Variants in SDHA observed in about 807,000 individuals in gnomAD.
SDHA encodes succinate dehydrogenase [ubiquinone] flavoprotein subunit, mitochondrial.
A neutral mutation model predicts 78.4 loss-of-function variants in SDHA; 48 were observed. The observed-to-expected ratio is 0.61, with a 90% CI of 0.49 to 0.78. The LOEUF (loss-of-function observed/expected upper bound fraction) is 0.78. Ranked by LOEUF, SDHA falls within the 30% of genes least tolerant of loss-of-function variation. The pLI is 0.00. For missense variants in SDHA, 680 were observed against 892.7 expected (o/e 0.76, Z 3.04); for synonymous variants, 326 against 353.9 (o/e 0.92, Z 0.88).
At chr5:250,805 G>C (rs1338648641) in intron 11 of SDHA, 187 bp from the exon 12 acceptor site, 1 of 623,406 alleles carries the variant, frequency 1.6e-6, no homozygotes, top group East Asian at 2.9e-5. Flanking sequence ...TATTTATTCA[G>C]AAGCTTTAGT....
chr5:252,723 C>T (rs1368180117), intron 13 of SDHA, among the ~76,000 whole-genome samples: 1 of 148,584 alleles, frequency 6.7e-6, no homozygotes, highest in Admixed American at 6.8e-5. Flanking sequence ...GGAGGAAATG[C>T]CAGTTTATTA....
At chr5:257,139 C>T (rs1258189125), downstream of SDHA, among the ~76,000 whole-genome samples, 2 of 152,172 alleles carry the variant, frequency 1.3e-5, no homozygotes, top group African/African-American at 2.4e-5. Context: ...TGCCTGAGAA[C>T]GAATGGAGAA....
intron 11 of SDHA, among the ~76,000 whole-genome samples, chr5:246,633 T>C (rs10462755): frequency 0.24 from 36,640 of 152,128 alleles, 6,849 homozygotes; most frequent in African/African-American, 0.53. Flanking sequence ...AAGAGCAAGA[T>C]TTTGTAGAAT....
intron 7 of SDHA, among the ~76,000 whole-genome samples, chr5:233,256 A>G (rs185038): frequency 0.5 from 76,219 of 152,182 alleles, 21,344 homozygotes; most frequent in African/African-American, 0.74. Flanking sequence ...CTCTGGGGAC[A>G]CCGCTCTGCC....
intron 5 of SDHA, among the ~76,000 whole-genome samples, chr5:226,654 T>C (rs966173431): frequency 6.9e-6 from 1 of 145,872 alleles, no homozygotes; most frequent in African/African-American, 2.6e-5. Context: ...ACAGGCTGGG[T>C]GCGGTGGCTC....
At chr5:238,808 A>G (rs1735947682) in intron 10 of SDHA, among the ~76,000 whole-genome samples, 1 of 151,918 alleles carries the variant, frequency 6.6e-6, no homozygotes, top group South Asian at 2.1e-4. Context: ...AAAATACAAA[A>G]ATTAGCTGGG....
chr5:258,638 TCCCGCCAGAGCA>T (rs1737367475), downstream of SDHA, among the ~76,000 whole-genome samples: 2 of 64,170 alleles, frequency 3.1e-5, no homozygotes, highest in Admixed American at 3.2e-4. Context: ...GAGCTCCGCC[TCCCGCCAGAGCA>T]TTACCGTGTG....
rs2126633857 is a variant in SDHA, at chr5:251,466, A to G, written c.1792A>G (p.Lys598Glu). The G allele has an allele frequency of 1.2e-6, 2 of 1,613,918 alleles. No homozygotes were observed. The highest frequency in any genetic ancestry group is 1.1e-5 in the South Asian group (1 of 91,070). ...GGGCGCGCATGCCAGGGAAGACTAC[A>G]AGGTGGGCCTTCTCACCACGCCCAC... is the stretch of plus-strand genomic sequence containing the variant. ...SRGAHAREDYKVRIDEYDYSK... is the reference protein window; with the variant it reads ...SRGAHAREDYEVRIDEYDYSK... The change falls in exon 13 of 15, where the codon AAG becomes GAG. Residue 598 changes from lysine (K) to glutamate (E), a missense_variant and splice_region_variant. Coordinates refer to ENST00000264932, the MANE Select transcript of SDHA (RefSeq NM_004168.4).
intron 14 of SDHA, 93 bp from the exon 15 acceptor site, chr5:256,241 C>T: frequency 1.1e-6 from 1 of 917,276 alleles, no homozygotes; most frequent in South Asian, 1.3e-5. Flanking sequence ...TGCCATAAAT[C>T]TACTTTTATA....
chr5:235,061 TCACA>T (rs1314816057), intron 8 of SDHA, 79 bp from the exon 9 acceptor site: 1 of 1,367,928 alleles, frequency 7.3e-7, no homozygotes, highest in African/African-American at 1.4e-5. Flanking sequence ...ATGTTGAAAC[TCACA>T]CACTTCCAAG....
At chr5:254,152 G>A (rs2126640702) in intron 13 of SDHA, among the ~76,000 whole-genome samples, 1 of 147,810 alleles carries the variant, frequency 6.8e-6, no homozygotes, top group Middle Eastern at 3.4e-3. Flanking sequence ...GTACATAAAG[G>A]ATGCTTAAGG....
chr5:220,474 T>G (rs1472464638), intron 1 of SDHA: 1 of 195,844 alleles, frequency 5.1e-6, no homozygotes, highest in Non-Finnish European at 1.1e-5. Context: ...ATTATAGTAG[T>G]AAACCTTTGC....
At chr5:234,324 C>G (rs538364021) in intron 8 of SDHA, 14 of 148,334 alleles carry the variant, frequency 9.4e-5, no homozygotes, top group African/African-American at 3.3e-4. Flanking sequence ...GAGGCTGAGG[C>G]AGGAGAATGG....
In SDHA at chr5:225,519, C is replaced by T. The variant is rs1342456775; in HGVS notation, c.413C>T (p.Ala138Val). Reference sequence around the variant, plus strand: ...TCCGACTGGCTGGGGGACCAGGATGCCATCCACTACATGACGGAGCAGGCC... The same window carrying T: ...TCCGACTGGCTGGGGGACCAGGATGTCATCCACTACATGACGGAGCAGGCC... Reference protein sequence around the residue: ...KGSDWLGDQDAIHYMTEQAPA... With the variant: ...KGSDWLGDQDVIHYMTEQAPA... The change falls in exon 4 of 15, where the codon GCC becomes GTC. Residue 138 changes from alanine to valine, a missense_variant. Ala to Val is a moderately conservative substitution (Grantham distance 64). Coordinates refer to ENST00000264932, the MANE Select transcript of SDHA (RefSeq NM_004168.4). 3 of 1,613,892 alleles carry T rather than the reference C, an allele frequency of 1.9e-6. No individual in the cohort carries two copies. Among genetic ancestry groups the T allele is most frequent in the Non-Finnish European group, 2.5e-6 (3 of 1,179,862 alleles).
rs1457597276 is a variant in SDHA, at chr5:237,800, A to G, written c.1432+1201A>G. Among the ~76,000 whole-genome samples, 2 of 137,244 alleles carry G rather than the reference A, an allele frequency of 1.5e-5. 1 individual carries two copies. Among genetic ancestry groups the G allele is most frequent in the African/African-American group, 6.8e-5 (2 of 29,348 alleles). The allele number at this position is 137,244 out of a possible 152,430, so 90.0% of individuals were successfully genotyped here. On this transcript the variant is annotated intron_variant, in intron 10 of 14. Transcript: ENST00000264932. ...CTGTAGTTAGAAAGGTGCAGATAGTATTAAAAGGGTAGCTTACTTCAGACA... is the reference window on the plus strand; with the variant it reads ...CTGTAGTTAGAAAGGTGCAGATAGTGTTAAAAGGGTAGCTTACTTCAGACA...
At chr5:237,852 C>T (rs939721776) in intron 10 of SDHA, among the ~76,000 whole-genome samples, 6 of 137,342 alleles carry the variant, frequency 4.4e-5, no homozygotes, top group African/African-American at 1.4e-4. Flanking sequence ...GACCACCGCT[C>T]GGGAGGCCAG....
chr5:262,158 GTC>G, the SDHA span, among the ~76,000 whole-genome samples: 1 of 65,946 alleles, frequency 1.5e-5, no homozygotes, highest in Admixed American at 1.5e-4. Flanking sequence ...TCCGCCTCCC[GTC>G]AGAGCATTAC....
chr5:225,544 C>T lies in SDHA; in HGVS notation c.438C>T (p.Ala146=). ...CCATCCACTACATGACGGAGCAGGCCCCCGCCGCCGTGGTCGAGGTGATGG... is the reference window on the plus strand; with the variant it reads ...CCATCCACTACATGACGGAGCAGGCTCCCGCCGCCGTGGTCGAGGTGATGG... ...QDAIHYMTEQ[A]PAAVVELENY... Residue 146 remains alanine (A), a synonymous_variant, in exon 4 of 15, where the codon GCC becomes GCT. Transcript: ENST00000264932. 6.2e-7 allele frequency: 1 copy of T among 1,613,780 alleles called. No homozygotes were observed. The highest frequency in any genetic ancestry group is 8.5e-7 in the Non-Finnish European group (1 of 1,179,814).
At chr5:231,820 G>A (rs1560993284) in intron 7 of SDHA, among the ~76,000 whole-genome samples, 1 of 151,752 alleles carries the variant, frequency 6.6e-6, no homozygotes, top group African/African-American at 2.4e-5. Context: ...AAGTTAGGAC[G>A]CAGCCGTGAC....
Sources: gnomAD v4.1 joint callset for allele counts (sites outside exome capture counted in the v4.1 genomes callset) on GRCh38, gnomAD v4.1.1 for gene constraint, MANE v1.5 for transcripts, NCBI Gene and HGNC (gene_info 2026-07-23, HGNC 2026-07-21) for gene names.